The following OGFOD2 variants were observed in gnomAD, a reference collection of about 807,000 sequenced individuals.
OGFOD2 encodes the protein 2-oxoglutarate and iron dependent oxygenase domain containing 2.
In OGFOD2, 34 loss-of-function variants were observed where a neutral mutation model predicts 31.1. The observed-to-expected ratio is 1.09, with a 90% CI of 0.83 to 1.45. OGFOD2 has a LOEUF of 1.45. OGFOD2 is among the 40% of genes most tolerant of loss of function. OGFOD2 has a pLI of 0.00. For synonymous variants in OGFOD2, 240 were observed against 192.3 expected (o/e 1.25, Z -2.05); for missense variants, 537 against 433.9 (o/e 1.24, Z -2.11).
At chr12:122,976,533 A>T in intron 2 of OGFOD2, 121 bp from the exon 3 acceptor site, 1 of 1,306,592 alleles carries the variant, frequency 7.7e-7, no homozygotes, top group Admixed American at 1.8e-5. Flanking sequence ...TCAGGAGTGT[A>T]GGCTAGACTT....
chr12:122,976,750 G>A (rs1287518078), exon 3 of OGFOD2: 1 of 1,613,600 alleles, frequency 6.2e-7, no homozygotes, highest in Non-Finnish European at 8.5e-7. Flanking sequence ...ACGGCCTGAG[G>A]TCTACGACTC....
At chr12:122,978,228 A>G in intron 4 of OGFOD2, 4 of 543,080 alleles carry the variant, frequency 7.4e-6, no homozygotes, top group Non-Finnish European at 1.3e-5. Context: ...CCCTGTGGAC[A>G]CTTGTAGAGT....
At position 122,978,912 on chromosome 12, in the gene OGFOD2, G is replaced by T. The variant is rs374027240; in HGVS notation, c.691G>T (p.Glu231Ter). ...CAAATACGCACCGGGCCAGGACCTGGAGCTGGGCTGCCACTATGATAATGC... is the reference window on the plus strand; with the variant it reads ...CAAATACGCACCGGGCCAGGACCTGTAGCTGGGCTGCCACTATGATAATGC... Residue 231 changes from glutamate to a stop codon, truncating the protein, a stop_gained, in exon 6 of 7, where the codon GAG becomes TAG. Coordinates refer to ENST00000228922, the Ensembl canonical transcript of OGFOD2. LOFTEE classifies it high-confidence loss of function. The T allele has an allele frequency of 2.6e-4, 417 of 1,613,070 alleles. No homozygotes were observed. Among genetic ancestry groups the T allele is most frequent in the Non-Finnish European group, 3.5e-4 (410 of 1,179,978 alleles).
intron 2 of OGFOD2, chr12:122,976,352 G>C: frequency 6.2e-7 from 1 of 1,613,092 alleles, no homozygotes; most frequent in East Asian, 2.2e-5. Flanking sequence ...CTGGAACACA[G>C]GACTTGGCCA....
chr12:122,978,746 C>T lies in OGFOD2; in HGVS notation c.532-7C>T, dbSNP rs771067098. ...TTTCCTTGCTGACCCCAGGAATCCC[C>T]TCCCAGGTGCTGCTGCACGAGCTCG... On this transcript the variant is annotated splice_region_variant and splice_polypyrimidine_tract_variant and intron_variant, in intron 5 of 6. Coordinates refer to ENST00000228922, the Ensembl canonical transcript of OGFOD2. 1.9e-6 allele frequency: 3 copies of T among 1,606,042 alleles called. No individual in the cohort carries two copies. The highest frequency in any genetic ancestry group is 2.6e-6 in the Non-Finnish European group (3 of 1,175,952).
chr12:122,979,049 G>T, intron 6 of OGFOD2, 34 bp from the exon 7 acceptor site: 2 of 1,604,546 alleles, frequency 1.2e-6, no homozygotes, highest in African/African-American at 1.3e-5. Flanking sequence ...TGGGGCAGCT[G>T]TGAGTGCCCA....
chr12:122,975,426 G>C (rs1335960457), intron 1 of OGFOD2, 43 bp downstream of exon 1: 5 of 646,516 alleles, frequency 7.7e-6, no homozygotes, highest in Admixed American at 2.5e-5. Flanking sequence ...GGGCAGAGAG[G>C]GGTAGTGGAG....
At chr12:122,979,390 C>G in exon 7 of OGFOD2, 1 of 1,556,812 alleles carries the variant, frequency 6.4e-7, no homozygotes, top group Non-Finnish European at 8.7e-7. Context: ...GGTGAGGGCT[C>G]CGTTGCCTTG....
rs2037439942 is a variant in OGFOD2 at position 122,976,640 on chromosome 12, C to T, written c.190-14C>T. 6.4e-7 allele frequency: 1 copy of T among 1,566,630 alleles called. No homozygotes were observed. The highest frequency in any genetic ancestry group is 1.1e-5 in the South Asian group (1 of 90,142). ...TGGGAGGCCCCACCTGGTAACAACC[C>T]TGTGCCACCCCAGCTTGAGCAGGAG... is the stretch of plus-strand genomic sequence containing the variant. On this transcript the variant is annotated splice_polypyrimidine_tract_variant and intron_variant, in intron 2 of 6. Transcript: ENST00000228922.
intron 2 of OGFOD2, chr12:122,976,276 A>G (rs883563): frequency 0.77 from 880,096 of 1,150,078 alleles, 338,138 homozygotes; most frequent in East Asian, 0.85. Flanking sequence ...CTGCTGCCCC[A>G]CTCCCTCCTC....
upstream of OGFOD2, chr12:122,975,118 C>T: frequency 3.9e-6 from 2 of 510,762 alleles, no homozygotes; most frequent in South Asian, 5.7e-5. Context: ...CGTTTCCTGG[C>T]GAGGTGCGTC....
At chr12:122,978,944 C>T (rs367681145) in exon 6 of OGFOD2, 3 of 1,613,198 alleles carry the variant, frequency 1.9e-6, no homozygotes, top group Non-Finnish European at 8.5e-7. Context: ...ATGCCGAGCT[C>T]ACCCTCAATG....
chr12:122,978,952 A>T lies in OGFOD2; in HGVS notation c.731A>T (p.Asn244Ile), dbSNP rs372372657. The T allele has an allele frequency of 5.3e-5, 85 of 1,613,116 alleles. No homozygotes were observed. The highest frequency in any genetic ancestry group is 6.5e-5 in the Non-Finnish European group (77 of 1,179,966). ...TATGATAATGCCGAGCTCACCCTCA[A>T]TGTGGCCTTGGGCAAGGTCTTCACA... The change falls in exon 6 of 7, where the codon AAT (asparagine) becomes ATT (isoleucine). Residue 244 changes from asparagine to isoleucine, a missense_variant. Physicochemically the swap from Asn to Ile is moderately radical, Grantham distance 149 (BLOSUM62 -3). Coordinates refer to ENST00000228922, the Ensembl canonical transcript of OGFOD2.
intron 2 of OGFOD2, 115 bp from the exon 3 acceptor site, chr12:122,976,539 G>T: frequency 7.7e-7 from 1 of 1,306,088 alleles, no homozygotes; most frequent in South Asian, 1.2e-5. Flanking sequence ...GTGTAGGCTA[G>T]ACTTGGCTTC....
exon 7 of OGFOD2, chr12:122,979,454 G>A: frequency 7.4e-7 from 1 of 1,342,398 alleles, no homozygotes; most frequent in South Asian, 1.5e-5. Context: ...TGGCTCAACG[G>A]TGTGCCAGCT....
Position 122,979,331 on chromosome 12 carries a change from ATG to A in OGFOD2, c.1041_1042del (p.Leu349HisfsTer15). 1 of 1,608,664 alleles carries A rather than the reference ATG, an allele frequency of 6.2e-7. No individual in the cohort carries two copies. Among genetic ancestry groups the A allele is most frequent in the Non-Finnish European group, 8.5e-7 (1 of 1,177,634 alleles). On this transcript the variant is annotated frameshift_variant, in exon 7 of 7. Coordinates refer to ENST00000228922, the Ensembl canonical transcript of OGFOD2. LOFTEE classifies it high-confidence loss of function. ...GAGAGGAGCCCGCCACGGTGGATGTATGTGCGCTCACCTGAGCTTGCTTGGGC... is the reference window on the plus strand; with the variant it reads ...GAGAGGAGCCCGCCACGGTGGATGTATGCGCTCACCTGAGCTTGCTTGGGC...
intron 1 of OGFOD2, 61 bp downstream of exon 1, chr12:122,975,444 G>T: frequency 1.6e-6 from 1 of 629,334 alleles, no homozygotes; most frequent in Non-Finnish European, 2.9e-6. Flanking sequence ...GAGGAGGGAA[G>T]TTCGTCCCCA....
At chr12:122,975,070 G>A (rs771939284), upstream of OGFOD2, 58 of 468,362 alleles carry the variant, frequency 1.2e-4, no homozygotes, top group Non-Finnish European at 1.9e-4. Flanking sequence ...GGAGGCCGCC[G>A]GTCCCAACCC....
At chr12:122,975,647 C>G (rs573512751) in intron 1 of OGFOD2, 164 bp from the exon 2 acceptor site, 1 of 619,764 alleles carries the variant, frequency 1.6e-6, no homozygotes, top group African/African-American at 1.8e-5. Flanking sequence ...AACACCAGCC[C>G]GGAGCCCTGT....
Sources: gnomAD v4.1 joint callset for allele counts on GRCh38, gnomAD v4.1.1 for gene constraint, MANE v1.5 for transcripts, NCBI Gene and HGNC (gene_info 2026-07-23, HGNC 2026-07-21) for gene names.